Variants in PRKX observed in about 807,000 individuals in gnomAD.
The protein encoded by PRKX is protein kinase cAMP-dependent X-linked catalytic subunit.
Under a neutral mutation model 22.0 loss-of-function variants are expected in PRKX, and 12 were observed. That is an observed-to-expected ratio of 0.54 (90% CI 0.35 to 0.88). PRKX has a LOEUF of 0.88. Ranked by LOEUF, PRKX falls within the 40% of genes least tolerant of loss-of-function variation. The pLI, the probability that PRKX is intolerant of heterozygous loss-of-function variation, is 0.01. For synonymous variants in PRKX, 134 were observed against 137.7 expected (o/e 0.97, Z 0.19); for missense variants, 217 against 308.0 (o/e 0.70, Z 2.21).
intron 6 of PRKX, among the ~76,000 whole-genome samples, chrX:3,616,853 T>C (rs185897798): frequency 8.9e-5 from 10 of 111,964 alleles, no homozygotes; most frequent in Non-Finnish European, 1.1e-4. Context: ...TTCAGCAATG[T>C]TGTGAATAAG....
chrX:3,700,455 A>G (rs1439504416), intron 1 of PRKX, among the ~76,000 whole-genome samples: 2 of 112,467 alleles, frequency 1.8e-5, no homozygotes, highest in Non-Finnish European at 3.8e-5. Flanking sequence ...AATACATAAA[A>G]TCACGTCCAA....
At chrX:3,671,059 CAA>C (rs922515658) in intron 2 of PRKX, among the ~76,000 whole-genome samples, 21 of 110,013 alleles carry the variant, frequency 1.9e-4, no homozygotes, top group African/African-American at 6.9e-4. Context: ...TTTTTTGAGA[CAA>C]AGTCTTGCTC....
intron 1 of PRKX, among the ~76,000 whole-genome samples, chrX:3,700,764 G>GTTGTTGTTA (rs1225913240): frequency 5.5e-5 from 6 of 109,992 alleles, no homozygotes. Context: ...TGTTGTTGTT[G>GTTGTTGTTA]TTGTTGTTTG....
At chrX:3,677,276 T>G (rs1381314772) in intron 1 of PRKX, among the ~76,000 whole-genome samples, 1 of 109,796 alleles carries the variant, frequency 9.1e-6, no homozygotes, top group East Asian at 2.8e-4. Context: ...AATAGTAAAA[T>G]TGTATATATG....
intron 3 of PRKX, among the ~76,000 whole-genome samples, chrX:3,644,339 C>T (rs1181909122): frequency 1.1e-5 from 1 of 91,630 alleles, no homozygotes; most frequent in Admixed American, 1.4e-4. Context: ...GAGGTCAACA[C>T]TGCAGGGAGC....
chrX:3,627,392 T>TAA (rs35645553), intron 4 of PRKX, among the ~76,000 whole-genome samples: 4 of 49,295 alleles, frequency 8.1e-5, no homozygotes, highest in East Asian at 6.2e-4. Flanking sequence ...CAAAAAAAAT[T>TAA]AAAAAAAAAA....
intron 1 of PRKX, 73 bp from the exon 2 acceptor site, chrX:3,674,839 C>T: frequency 8.9e-7 from 1 of 1,125,626 alleles, no homozygotes; most frequent in East Asian, 3.0e-5. Context: ...GCCATGCAAT[C>T]AGCGGGGGGC....
In PRKX at chrX:3,606,426, TG is replaced by T. The variant is rs1191896477; in HGVS notation, c.*2542del. On this transcript the variant is annotated 3_prime_UTR_variant, in exon 9 of 9. Coordinates refer to ENST00000262848, the MANE Select transcript of PRKX (RefSeq NM_005044.5). ...CGGAGTCTTGCTCTGTGGCCCAGGC[TG>T]GAGTGCAGTGGCACGATCTCGGCTT... 1 of 112,172 alleles carries T rather than the reference TG, an allele frequency of 8.9e-6. No homozygotes were observed. The highest frequency in any genetic ancestry group is 1.9e-5 in the Non-Finnish European group (1 of 53,236). The allele number at this position is 112,172 out of a possible 1,213,427, so 9.2% of individuals were successfully genotyped here.
intron 1 of PRKX, among the ~76,000 whole-genome samples, chrX:3,676,577 G>A (rs1927960307): frequency 8.9e-6 from 1 of 112,247 alleles, no homozygotes; most frequent in Non-Finnish European, 1.9e-5. Context: ...GGAAACTCTG[G>A]CATTTGCAGC....
At chrX:3,701,715 C>T (rs1239891039) in intron 1 of PRKX, among the ~76,000 whole-genome samples, 1 of 111,283 alleles carries the variant, frequency 9.0e-6, no homozygotes, top group Non-Finnish European at 1.9e-5. Flanking sequence ...GCACAAGATG[C>T]CGGTCATAAG....
intron 1 of PRKX, among the ~76,000 whole-genome samples, chrX:3,682,260 C>T (rs11152540): frequency 0.21 from 23,021 of 110,244 alleles, 1,996 homozygotes; most frequent in Middle Eastern, 0.32. Context: ...GCAAGAGCAA[C>T]GCCGCACAGC....
At chrX:3,647,346 AAT>A (rs1273937885) in intron 3 of PRKX, among the ~76,000 whole-genome samples, 1 of 106,668 alleles carries the variant, frequency 9.4e-6, no homozygotes, top group Non-Finnish European at 1.9e-5. Context: ...TATAAAATTA[AAT>A]ATGTAATATT....
chrX:3,709,864 C>T (rs763077325), intron 1 of PRKX, among the ~76,000 whole-genome samples: 5 of 110,640 alleles, frequency 4.5e-5, no homozygotes, highest in African/African-American at 1.6e-4. Flanking sequence ...TTGTGGTTGA[C>T]TGCAGCCTTG....
intron 1 of PRKX, among the ~76,000 whole-genome samples, chrX:3,689,340 C>G (rs1027237456): frequency 2.7e-5 from 3 of 112,155 alleles, no homozygotes; most frequent in Non-Finnish European, 5.6e-5. Flanking sequence ...AGTATAATGA[C>G]CTTCTATTTT....
chrX:3,633,270 A>C (rs1926823109), intron 4 of PRKX, among the ~76,000 whole-genome samples: 4 of 106,105 alleles, frequency 3.8e-5, no homozygotes, highest in African/African-American at 1.4e-4. Flanking sequence ...AAAAAAAAAA[A>C]CAAAAAAAAC....
intron 2 of PRKX, among the ~76,000 whole-genome samples, chrX:3,657,257 T>A (rs1488497576): frequency 9.0e-6 from 1 of 111,390 alleles, no homozygotes; most frequent in African/African-American, 3.3e-5. Context: ...CCTTCCAATA[T>A]CCACTGTATT....
At chrX:3,672,988 C>T (rs1382507810) in intron 2 of PRKX, among the ~76,000 whole-genome samples, 2 of 111,064 alleles carry the variant, frequency 1.8e-5, no homozygotes, top group African/African-American at 6.6e-5. Flanking sequence ...GAGACCCTGT[C>T]AAGAAAGAAA....
intron 7 of PRKX, among the ~76,000 whole-genome samples, chrX:3,615,011 A>AT (rs761643511): frequency 0.019 from 1,110 of 59,641 alleles, 74 homozygotes; most frequent in African/African-American, 0.044. Flanking sequence ...AAAATGCCAG[A>AT]TTTTTTTTTT....
chrX:3,689,968 C>G (rs1928288473), intron 1 of PRKX, among the ~76,000 whole-genome samples: 1 of 111,238 alleles, frequency 9.0e-6, no homozygotes, highest in Non-Finnish European at 1.9e-5. Flanking sequence ...CAGAGCAAGA[C>G]TCTGTCTCGA....
Sources: gnomAD v4.1 joint callset for allele counts (sites outside exome capture counted in the v4.1 genomes callset) on GRCh38, gnomAD v4.1.1 for gene constraint, MANE v1.5 for transcripts, NCBI Gene and HGNC (gene_info 2026-07-23, HGNC 2026-07-21) for gene names.